Variants in CCSER2 observed in about 807,000 individuals in gnomAD.
CCSER2 encodes coiled-coil serine rich protein 2, also known as serine-rich coiled-coil domain-containing protein 2.
CCSER2 carries 46 observed loss-of-function variants against 92.3 expected under a neutral mutation model. The ratio of observed to expected loss-of-function variants is 0.50; its 90% CI spans 0.39 to 0.64. The LOEUF (loss-of-function observed/expected upper bound fraction) is 0.64, where lower values mean the gene tolerates loss of function less well. Ranked by LOEUF, CCSER2 falls within the 30% of genes least tolerant of loss-of-function variation. The pLI, the probability that CCSER2 is intolerant of heterozygous loss-of-function variation, is 0.00. For synonymous variants in CCSER2, 433 were observed against 431.4 expected (o/e 1.00, Z -0.04); for missense variants, 1,244 against 1,238.9 (o/e 1.00, Z -0.06).
intron 1 of CCSER2, among the ~76,000 whole-genome samples, chr10:84,363,921 C>T (rs1845644981): frequency 6.6e-6 from 1 of 152,162 alleles, no homozygotes; most frequent in African/African-American, 2.4e-5. Context: ...TAGCCTACTA[C>T]ACACCAAGGC....
intron 3 of CCSER2, chr10:84,390,761 C>CCTACTTGGG: frequency 2.6e-6 from 1 of 388,530 alleles, no homozygotes. Context: ...TCTTTCTCAT[C>CCTACTTGGG]CTACTTGGGC....
intron 6 of CCSER2, among the ~76,000 whole-genome samples, chr10:84,445,160 C>CT (rs1341967695): frequency 2.6e-5 from 4 of 151,702 alleles, no homozygotes; most frequent in East Asian, 1.9e-4. Context: ...TTGTCTCTCT[C>CT]TTTTTTTTTC....
intron 5 of CCSER2, among the ~76,000 whole-genome samples, chr10:84,426,445 C>T (rs1484041229): frequency 6.6e-6 from 1 of 152,106 alleles, no homozygotes; most frequent in South Asian, 2.1e-4. Flanking sequence ...CCTGACCTGG[C>T]GCAGATTAGC....
At chr10:84,387,240 C>A (rs985722800) in intron 3 of CCSER2, among the ~76,000 whole-genome samples, 2 of 152,062 alleles carry the variant, frequency 1.3e-5, no homozygotes, top group South Asian at 4.1e-4. Flanking sequence ...TTCTCCCCTC[C>A]CTCTAAGGGT....
chr10:84,498,475 G>A (rs1197782079), intron 9 of CCSER2, among the ~76,000 whole-genome samples: 1 of 151,666 alleles, frequency 6.6e-6, no homozygotes, highest in African/African-American at 2.4e-5. Context: ...ATAGAAAATG[G>A]ATCTTTTATG....
chr10:84,460,082 C>T (rs1846007742), intron 6 of CCSER2, among the ~76,000 whole-genome samples: 1 of 134,480 alleles, frequency 7.4e-6, no homozygotes, highest in African/African-American at 2.6e-5. Context: ...GGTTTTGATT[C>T]TTCGATTTTT....
At chr10:84,397,784 C>G (rs1015905945) in intron 3 of CCSER2, among the ~76,000 whole-genome samples, 3 of 152,166 alleles carry the variant, frequency 2.0e-5, no homozygotes, top group Non-Finnish European at 2.9e-5. Flanking sequence ...CCAGTCACAC[C>G]TGACTCTTCT....
At chr10:84,508,346 G>T (rs971750718) in intron 9 of CCSER2, among the ~76,000 whole-genome samples, 1 of 152,126 alleles carries the variant, frequency 6.6e-6, no homozygotes, top group Non-Finnish European at 1.5e-5. Context: ...GTGTTTATGT[G>T]TCAGGCATTG....
At chr10:84,391,514 G>A (rs1841518140) in intron 3 of CCSER2, 7 of 1,517,100 alleles carry the variant, frequency 4.6e-6, no homozygotes. Flanking sequence ...GCCAATACTG[G>A]GAATCAACCC....
chr10:84,333,925 G>T (rs1016424498), intron 1 of CCSER2, among the ~76,000 whole-genome samples: 2 of 152,198 alleles, frequency 1.3e-5, no homozygotes, highest in African/African-American at 4.8e-5. Flanking sequence ...ACTGGATTGT[G>T]TGCTTGTCAA....
rs538981790 is a variant in CCSER2, at chr10:84,478,392, A to G, written c.2325+728A>G. On this transcript the variant is annotated intron_variant, in intron 9 of 9. Transcript: ENST00000372088. ...ACATTTCTTGTTAAGAGATTGCCTAATAAGTCAGCCTTGACTCTTTTGCCT... is the reference window on the plus strand; with the variant it reads ...ACATTTCTTGTTAAGAGATTGCCTAGTAAGTCAGCCTTGACTCTTTTGCCT... 2.5e-4 allele frequency among the ~76,000 whole-genome samples: 38 copies of G among 152,348 alleles called. 1 individual carries two copies. In the South Asian group the frequency reaches 6.8e-3, roughly 27 times the overall value.
intron 3 of CCSER2, among the ~76,000 whole-genome samples, chr10:84,374,678 A>G (rs1300407632): frequency 6.6e-6 from 1 of 152,238 alleles, no homozygotes; most frequent in African/African-American, 2.4e-5. Flanking sequence ...CCATGAATTT[A>G]TATGTGCATA....
chr10:84,380,452 T>C (rs1840835528), intron 3 of CCSER2, among the ~76,000 whole-genome samples: 3 of 152,324 alleles, frequency 2.0e-5, no homozygotes, highest in South Asian at 2.1e-4. Flanking sequence ...TTACCGTTCA[T>C]AGTTTTTGCT....
chr10:84,422,560 C>T (rs867375046), intron 4 of CCSER2, among the ~76,000 whole-genome samples: 5 of 152,138 alleles, frequency 3.3e-5, no homozygotes, highest in Middle Eastern at 3.2e-3. Flanking sequence ...CTGGGGTTCT[C>T]AACTCATAGT....
At chr10:84,421,052 A>G (rs1254146073) in intron 4 of CCSER2, among the ~76,000 whole-genome samples, 2 of 152,144 alleles carry the variant, frequency 1.3e-5, no homozygotes, top group African/African-American at 4.8e-5. Flanking sequence ...GAAATCTTTA[A>G]TTTGGATACA....
At chr10:84,329,432 G>T (rs1337700571) in intron 1 of CCSER2, among the ~76,000 whole-genome samples, 20 of 152,214 alleles carry the variant, frequency 1.3e-4, no homozygotes, top group Admixed American at 1.3e-3. Context: ...ATTCATCTGT[G>T]TGGGCTCCCC....
chr10:84,377,229 CACTTTTTAAAAAACT>C lies in CCSER2; in HGVS notation c.1614+3415_1614+3429del, dbSNP rs1589484070. On this transcript the variant is annotated intron_variant, in intron 3 of 9. Coordinates refer to ENST00000372088, the MANE Select transcript of CCSER2 (RefSeq NM_001284240.2). ...TTACAAGTTTTCCCTTTACCGTTAC[CACTTTTTAAAAAACT>C]GTTTGTGAAGTCTTTTCCCACCTTA... Among the ~76,000 whole-genome samples the C allele has an allele frequency of 2.0e-5, 3 of 152,146 alleles. No homozygotes were observed. In the East Asian group the frequency reaches 5.8e-4, roughly 29 times the overall value.
At chr10:84,460,347 C>G (rs994019468) in intron 6 of CCSER2, among the ~76,000 whole-genome samples, 5 of 151,068 alleles carry the variant, frequency 3.3e-5, no homozygotes, top group Admixed American at 6.6e-5. Flanking sequence ...CAGGTGATCC[C>G]CCCCGTCTTG....
chr10:84,422,920 T>C (rs1430862519), intron 4 of CCSER2, among the ~76,000 whole-genome samples: 2 of 152,004 alleles, frequency 1.3e-5, no homozygotes, highest in Non-Finnish European at 2.9e-5. Flanking sequence ...CCAGGCGTGG[T>C]GATGTGTGCA....
Sources: allele counts gnomAD v4.1 joint callset (sites outside exome capture counted in the v4.1 genomes callset), GRCh38; gene constraint gnomAD v4.1.1; transcripts MANE v1.5; gene names NCBI Gene and HGNC (gene_info 2026-07-23, HGNC 2026-07-21).